CADM2: variants seen among roughly 807,000 people sequenced by gnomAD.
The protein encoded by CADM2 is cell adhesion molecule 2, also known as immunoglobulin superfamily member 4D.
Under a neutral mutation model 49.8 loss-of-function variants are expected in CADM2, and 12 were observed. The ratio of observed to expected loss-of-function variants is 0.24; its 90% CI spans 0.15 to 0.39. CADM2 has a LOEUF of 0.39. CADM2 is among the 10% of genes least tolerant of loss of function. The probability of loss-of-function intolerance (pLI) is 1.00; values close to 1 mark genes in which losing one functional copy is unlikely to be tolerated. For missense variants in CADM2, 378 were observed against 492.3 expected (o/e 0.77, Z 2.20); for synonymous variants, 214 against 175.4 (o/e 1.22, Z -1.74).
chr3:85,922,971 G>A (rs547645301), intron 6 of CADM2, among the ~76,000 whole-genome samples: 4 of 151,696 alleles, frequency 2.6e-5, no homozygotes, highest in East Asian at 3.9e-4. Context: ...ATAGGCGCCC[G>A]CCACCACACC....
intron 1 of CADM2, among the ~76,000 whole-genome samples, chr3:85,246,589 T>A (rs2042652683): frequency 6.6e-6 from 1 of 152,166 alleles, no homozygotes. Context: ...GATTCCAGGA[T>A]AATTGTAAAA....
chr3:86,053,436 G>A (rs575911455), intron 8 of CADM2, among the ~76,000 whole-genome samples: 1 of 152,124 alleles, frequency 6.6e-6, no homozygotes, highest in Non-Finnish European at 1.5e-5. Context: ...AAGAAACCCA[G>A]TGATGTTTGG....
intron 2 of CADM2, among the ~76,000 whole-genome samples, chr3:85,728,548 A>C (rs1053654091): frequency 1.3e-5 from 2 of 152,148 alleles, no homozygotes; most frequent in African/African-American, 4.8e-5. Flanking sequence ...CAGAAAAAAA[A>C]AAGTGGATAA....
intron 1 of CADM2, among the ~76,000 whole-genome samples, chr3:85,578,649 T>C (rs1205601224): frequency 6.6e-6 from 1 of 152,262 alleles, no homozygotes; most frequent in Non-Finnish European, 1.5e-5. Flanking sequence ...AATGTGATTA[T>C]ACAACCTGAT....
chr3:85,692,605 A>G (rs1158854883), intron 1 of CADM2, among the ~76,000 whole-genome samples: 2 of 152,106 alleles, frequency 1.3e-5, no homozygotes, highest in Non-Finnish European at 2.9e-5. Context: ...TACCTTACTG[A>G]ATTTTGTATT....
chr3:85,788,526 G>A lies in CADM2; in HGVS notation c.89-13521G>A, dbSNP rs183047170. On this transcript the variant is annotated intron_variant, in intron 2 of 9. Transcript: ENST00000383699. ...ACAGAAAAAGAATATTAATGTAGAA[G>A]CAATTTAGATAATAATCAATATAAT... Among the ~76,000 whole-genome samples the A allele has an allele frequency of 2.8e-3, 423 of 152,066 alleles. 1 individual carries two copies. Among genetic ancestry groups the A allele is most frequent in the African/African-American group, 9.8e-3 (408 of 41,500 alleles).
chr3:85,145,896 G>A (rs771701621), intron 1 of CADM2, among the ~76,000 whole-genome samples: 2 of 152,090 alleles, frequency 1.3e-5, no homozygotes, highest in South Asian at 2.1e-4. Flanking sequence ...CACGGCAATG[G>A]TAGAATCTTT....
intron 1 of CADM2, among the ~76,000 whole-genome samples, chr3:85,634,698 C>T (rs576479812): frequency 6.6e-6 from 1 of 152,018 alleles, no homozygotes; most frequent in Non-Finnish European, 1.5e-5. Flanking sequence ...TATGTGTGTG[C>T]ATGTATATTA....
chr3:85,439,256 C>G (rs769464952), intron 1 of CADM2, among the ~76,000 whole-genome samples: 1 of 150,924 alleles, frequency 6.6e-6, no homozygotes, highest in Non-Finnish European at 1.5e-5. Context: ...CAGGTTCATG[C>G]GATTCTCCTG....
chr3:85,420,032 A>G (rs1282404437), intron 1 of CADM2, among the ~76,000 whole-genome samples: 1 of 152,198 alleles, frequency 6.6e-6, no homozygotes, highest in African/African-American at 2.4e-5. Context: ...AAAAGTTGAT[A>G]ACAAATTTTG....
intron 1 of CADM2, among the ~76,000 whole-genome samples, chr3:85,105,317 T>A (rs1432771881): frequency 6.6e-6 from 1 of 152,170 alleles, no homozygotes; most frequent in Non-Finnish European, 1.5e-5. Context: ...AAAGAAGACA[T>A]TTGTGAATCC....
At chr3:85,946,459 C>G (rs1722710873) in intron 7 of CADM2, among the ~76,000 whole-genome samples, 1 of 152,026 alleles carries the variant, frequency 6.6e-6, no homozygotes, top group Non-Finnish European at 1.5e-5. Context: ...CAAAAAAGAG[C>G]CCGCATCGCC....
intron 1 of CADM2, among the ~76,000 whole-genome samples, chr3:85,629,264 A>G (rs1049988551): frequency 2.0e-5 from 3 of 151,932 alleles, no homozygotes; most frequent in Admixed American, 6.6e-5. Flanking sequence ...AATTAGAAAC[A>G]TTTCTACTTC....
intron 8 of CADM2, among the ~76,000 whole-genome samples, chr3:86,025,959 G>T (rs2107100862): frequency 6.6e-6 from 1 of 152,172 alleles, no homozygotes; most frequent in South Asian, 2.1e-4. Flanking sequence ...CAGTCCAAAA[G>T]AGAATAATTG....
At chr3:85,603,136 C>G (rs1049946365) in intron 1 of CADM2, among the ~76,000 whole-genome samples, 4 of 151,752 alleles carry the variant, frequency 2.6e-5, no homozygotes, top group African/African-American at 9.7e-5. Flanking sequence ...TGTTTGTATT[C>G]TTAGCACCTA....
At chr3:84,985,331 T>C (rs1046116935) in intron 1 of CADM2, among the ~76,000 whole-genome samples, 2 of 152,130 alleles carry the variant, frequency 1.3e-5, no homozygotes, top group Non-Finnish European at 2.9e-5. Flanking sequence ...TAATCAGACT[T>C]ATGAATTATC....
intron 1 of CADM2, among the ~76,000 whole-genome samples, chr3:85,317,400 A>G (rs2044494928): frequency 6.6e-6 from 1 of 152,202 alleles, no homozygotes. Flanking sequence ...AAGACTTACA[A>G]TAATAATGTG....
At chr3:85,587,159 A>G (rs1280010603) in intron 1 of CADM2, among the ~76,000 whole-genome samples, 1 of 152,120 alleles carries the variant, frequency 6.6e-6, no homozygotes, top group African/African-American at 2.4e-5. Context: ...AAATATTTGT[A>G]GATGAGATAG....
chr3:84,965,290 C>G (rs1016430285), intron 1 of CADM2, among the ~76,000 whole-genome samples: 7 of 152,094 alleles, frequency 4.6e-5, no homozygotes, highest in African/African-American at 1.7e-4. Context: ...CAGCTGAAGC[C>G]CCCTGCTGTG....
Sources: gnomAD v4.1 joint callset for allele counts (sites outside exome capture counted in the v4.1 genomes callset) on GRCh38, gnomAD v4.1.1 for gene constraint, MANE v1.5 for transcripts, NCBI Gene and HGNC (gene_info 2026-07-23, HGNC 2026-07-21) for gene names.